TENM3: variants seen among roughly 807,000 people sequenced by gnomAD.
The protein encoded by TENM3 is teneurin transmembrane protein 3.
TENM3 carries 63 observed loss-of-function variants against 255.1 expected under a neutral mutation model. The ratio of observed to expected loss-of-function variants is 0.25; its 90% CI spans 0.20 to 0.30. TENM3 has a LOEUF of 0.30. Ranked by LOEUF, TENM3 falls within the 10% of genes least tolerant of loss-of-function variation. TENM3 has a pLI of 1.00. For missense variants in TENM3, 2,929 were observed against 3,461.1 expected (o/e 0.85, Z 3.86); for synonymous variants, 1,306 against 1,322.3 (o/e 0.99, Z 0.27).
At chr4:182,651,622 G>A (rs1469800723) in intron 5 of TENM3, among the ~76,000 whole-genome samples, 2 of 152,004 alleles carry the variant, frequency 1.3e-5, no homozygotes, top group Admixed American at 6.6e-5. Context: ...GCTTGAACCC[G>A]GGAGACAGAG....
At chr4:182,432,176 G>A (rs1051229442) in intron 3 of TENM3, among the ~76,000 whole-genome samples, 3 of 151,986 alleles carry the variant, frequency 2.0e-5, no homozygotes, top group African/African-American at 7.2e-5. Context: ...GGTCCAAGAA[G>A]GCTTTGAGAA....
chr4:182,555,769 A>G (rs1297223245), intron 3 of TENM3, among the ~76,000 whole-genome samples: 1 of 152,096 alleles, frequency 6.6e-6, no homozygotes, highest in Non-Finnish European at 1.5e-5. Context: ...TTTGTAAAAT[A>G]TGCTTTTTTA....
chr4:181,904,866 G>T, the TENM3 span, among the ~76,000 whole-genome samples: 2 of 152,240 alleles, frequency 1.3e-5, no homozygotes, highest in Admixed American at 6.5e-5. Flanking sequence ...TCATGGAGGG[G>T]GTGGGTCTTT....
chr4:182,641,835 C>T (rs558287369), intron 5 of TENM3, among the ~76,000 whole-genome samples: 1 of 152,162 alleles, frequency 6.6e-6, no homozygotes, highest in East Asian at 1.9e-4. Flanking sequence ...CCTATGTGTG[C>T]AATTCTTAAA....
chr4:182,176,314 G>C (rs562077502), intron 1 of TENM3, among the ~76,000 whole-genome samples: 1 of 141,590 alleles, frequency 7.1e-6, no homozygotes, highest in South Asian at 2.1e-4. Flanking sequence ...TCACCACCGT[G>C]TGTCTTTTGG....
At chr4:182,274,206 G>A (rs2150233131) in intron 1 of TENM3, among the ~76,000 whole-genome samples, 1 of 152,302 alleles carries the variant, frequency 6.6e-6, no homozygotes, top group African/African-American at 2.4e-5. Context: ...TGTTTGAGCT[G>A]GTGGATAGGT....
chr4:182,602,813 T>C (rs1395281587), intron 4 of TENM3, among the ~76,000 whole-genome samples: 1 of 152,188 alleles, frequency 6.6e-6, no homozygotes, highest in Non-Finnish European at 1.5e-5. Context: ...CGATTCACTA[T>C]TGTCATTTGG....
intron 3 of TENM3, among the ~76,000 whole-genome samples, chr4:182,490,682 T>C (rs566766544): frequency 3.3e-5 from 5 of 152,290 alleles, no homozygotes; most frequent in African/African-American, 1.2e-4. Context: ...GAAAAATACA[T>C]TTAAAGTGAC....
At chr4:182,555,217 A>ATT (rs577906588) in intron 3 of TENM3, among the ~76,000 whole-genome samples, 1 of 151,542 alleles carries the variant, frequency 6.6e-6, no homozygotes, top group African/African-American at 2.4e-5. Flanking sequence ...TGTTCAGTAC[A>ATT]TTTTTTTTTA....
the TENM3 span, among the ~76,000 whole-genome samples, chr4:181,786,856 G>T: frequency 1.3e-5 from 2 of 152,090 alleles, no homozygotes; most frequent in African/African-American, 4.8e-5. Context: ...GTCAGTGTTT[G>T]GGGGTAGAGC....
chr4:182,247,316 G>A (rs1484808530), intron 1 of TENM3, among the ~76,000 whole-genome samples: 1 of 152,294 alleles, frequency 6.6e-6, no homozygotes, highest in East Asian at 1.9e-4. Context: ...CTTACGAAGA[G>A]AAGACTGGAG....
chr4:181,898,503 T>C, the TENM3 span, among the ~76,000 whole-genome samples: 1 of 152,214 alleles, frequency 6.6e-6, no homozygotes, highest in African/African-American at 2.4e-5. Flanking sequence ...TCAACTTTGC[T>C]TATTCACATT....
At chr4:182,117,876 G>A in the TENM3 span, among the ~76,000 whole-genome samples, 2 of 152,120 alleles carry the variant, frequency 1.3e-5, no homozygotes, top group Non-Finnish European at 2.9e-5. Flanking sequence ...AGATCAAGTT[G>A]GGAAGAACTG....
At chr4:182,095,286 C>T in the TENM3 span, among the ~76,000 whole-genome samples, 2 of 152,152 alleles carry the variant, frequency 1.3e-5, no homozygotes, top group Non-Finnish European at 2.9e-5. Context: ...AAGTACCCAT[C>T]AACAGATGAA....
chr4:182,734,357 C>T (rs1055561493), intron 16 of TENM3, among the ~76,000 whole-genome samples: 20 of 152,142 alleles, frequency 1.3e-4, no homozygotes, highest in African/African-American at 4.8e-4. Flanking sequence ...CTAGTGGAGA[C>T]CTTGAATTCC....
chr4:182,541,402 G>T (rs551285969), intron 3 of TENM3, among the ~76,000 whole-genome samples: 6 of 152,132 alleles, frequency 3.9e-5, no homozygotes, highest in Non-Finnish European at 5.9e-5. Flanking sequence ...TCTGTCATTT[G>T]TGCACATGAG....
In TENM3 at chr4:182,755,116, A is replaced by G. The variant is rs1236481872; in HGVS notation, c.4749A>G (p.Gln1583=). The change falls in exon 22 of 28, where the codon CAA becomes CAG. Residue 1583 remains glutamine, a synonymous_variant. Coordinates refer to ENST00000511685, the MANE Select transcript of TENM3 (RefSeq NM_001080477.4). ...MPVRVVSPDN[Q]VIWLTIGTNG... ...TTCGAGTGGTGTCTCCTGATAACCAAGTGATATGGTTGACAATAGGAACAA... is the reference window on the plus strand; with the variant it reads ...TTCGAGTGGTGTCTCCTGATAACCAGGTGATATGGTTGACAATAGGAACAA... The G allele has an allele frequency of 4.3e-6, 7 of 1,613,902 alleles. No homozygotes were observed. The highest frequency in any genetic ancestry group is 1.3e-5 in the African/African-American group (1 of 74,936).
Position 182,324,070 on chromosome 4 carries a change from G to C in TENM3, c.50G>C (p.Arg17Pro), listed in dbSNP as rs371491744. 1.4e-5 allele frequency: 23 copies of C among 1,613,874 alleles called. No homozygotes were observed. Among genetic ancestry groups the C allele is most frequent in the Non-Finnish European group, 1.9e-5 (23 of 1,179,910 alleles). Reference sequence around the variant, plus strand: ...TACTGCTCCCTGACCAAGAGCAGACGAGAGAAGGAACGGCGCTACACAAAT... The same window carrying C: ...TACTGCTCCCTGACCAAGAGCAGACCAGAGAAGGAACGGCGCTACACAAAT... ...RPYCSLTKSRREKERRYTNSS... is the reference protein window; with the variant it reads ...RPYCSLTKSRPEKERRYTNSS... Residue 17 changes from arginine (R) to proline (P), a missense_variant, in exon 2 of 28, where the codon CGA becomes CCA. Coordinates refer to ENST00000511685, the MANE Select transcript of TENM3 (RefSeq NM_001080477.4).
At chr4:182,119,364 C>T in the TENM3 span, among the ~76,000 whole-genome samples, 1 of 152,104 alleles carries the variant, frequency 6.6e-6, no homozygotes, top group Non-Finnish European at 1.5e-5. Flanking sequence ...TGTGAAGGCC[C>T]CTCGACTGAG....
Sources: gnomAD v4.1 joint callset for allele counts (sites outside exome capture counted in the v4.1 genomes callset) on GRCh38, gnomAD v4.1.1 for gene constraint, MANE v1.5 for transcripts, NCBI Gene and HGNC (gene_info 2026-07-23, HGNC 2026-07-21) for gene names.